Variants in RNF112 observed in about 807,000 individuals in gnomAD.
RNF112 encodes the protein ring finger protein 112.
In RNF112, 34 loss-of-function variants were observed where a neutral mutation model predicts 64.7. That is an observed-to-expected ratio of 0.53 (90% CI 0.40 to 0.70). RNF112 has a LOEUF of 0.70. Ranked by LOEUF, RNF112 falls within the 30% of genes least tolerant of loss-of-function variation. RNF112 has a pLI of 0.00. For missense variants in RNF112, 734 were observed against 850.0 expected (o/e 0.86, Z 1.70); for synonymous variants, 345 against 344.5 (o/e 1.00, Z -0.02).
chr17:19,413,955 C>G lies in RNF112; in HGVS notation c.826-140C>G, dbSNP rs1913771689. 4 of 705,796 alleles carry G rather than the reference C, an allele frequency of 5.7e-6. No individual in the cohort carries two copies. Among genetic ancestry groups the G allele is most frequent in the Middle Eastern group, 2.5e-4 (1 of 4,038 alleles). 43.7% of individuals were successfully genotyped at this position (705,796 alleles called of 1,614,324 possible). On this transcript the variant is annotated intron_variant, in intron 6 of 13. Coordinates refer to ENST00000461366, the MANE Select transcript of RNF112 (RefSeq NM_007148.5). The surrounding 1 kb of genome is among the most constrained non-coding windows in gnomAD (Gnocchi z 5.9). Reference sequence around the variant, plus strand: ...CCTTGAGGCCAGCCCAGCCCTGCAGCCTTCGAGGCCCCCATACTGGCCTCT... The same window carrying G: ...CCTTGAGGCCAGCCCAGCCCTGCAGGCTTCGAGGCCCCCATACTGGCCTCT...
At position 19,411,362 on chromosome 17, in the gene RNF112, G is replaced by A. The variant is rs758890427; in HGVS notation, c.-47G>A. ...ATCCTTACCTCTGGTTGAAGGTCTC[G>A]GGGCCTCCCCCTCTGCATCCGGACC... On this transcript the variant is annotated 5_prime_UTR_variant, in exon 1 of 14. Transcript: ENST00000461366. The A allele has an allele frequency of 2.0e-4, 310 of 1,587,510 alleles. 2 individuals carry two copies. Among genetic ancestry groups the A allele is most frequent in the Non-Finnish European group, 7.6e-5 (89 of 1,166,358 alleles).
In RNF112 at chr17:19,411,604, C is replaced by CTTT. The variant is rs33912708; in HGVS notation, c.55-10_55-8dup. On this transcript the variant is annotated intron_variant, in intron 1 of 13. Transcript: ENST00000461366. ...TAGAAGTCTGGATTATGTTCTAAAT[C>CTTT]TTTTTTTTTTTTTTTTTTCTCCAAG... The CTTT allele has an allele frequency of 3.2e-5, 45 of 1,414,174 alleles. 1 individual carries two copies. Among genetic ancestry groups the CTTT allele is most frequent in the South Asian group, 1.0e-4 (8 of 77,304 alleles). The allele number at this position is 1,414,174 out of a possible 1,614,324, so 87.6% of individuals were successfully genotyped here. A position where few individuals can be genotyped will look rare whatever the true frequency, so the allele number is the denominator to read the frequency against.
chr17:19,412,635 T>G lies in RNF112; in HGVS notation c.233T>G (p.Ile78Arg). 1 of 1,613,552 alleles carries G rather than the reference T, an allele frequency of 6.2e-7. No individual in the cohort carries two copies. The highest frequency in any genetic ancestry group is 8.5e-7 in the Non-Finnish European group (1 of 1,179,804). Residue 78 changes from isoleucine (I) to arginine (R), a missense_variant, in exon 3 of 14, where the codon ATA (isoleucine) becomes AGA (arginine). Ile to Arg is a moderately conservative substitution (Grantham distance 97). Transcript: ENST00000461366. The surrounding 1 kb of genome is among the most constrained non-coding windows in gnomAD (Gnocchi z 5.1). ...CTGGACTGTGGCCACGACTTCTGCATACGGTGCTTCAGCACACACCGTCTC... is the reference window on the plus strand; with the variant it reads ...CTGGACTGTGGCCACGACTTCTGCAGACGGTGCTTCAGCACACACCGTCTC... Reference protein sequence around the residue: ...ISLDCGHDFCIRCFSTHRLPG... With the variant: ...ISLDCGHDFCRRCFSTHRLPG...
In RNF112 at chr17:19,415,711, G is replaced by A; in HGVS notation, c.1432G>A (p.Ala478Thr). 6.2e-7 allele frequency: 1 copy of A among 1,607,586 alleles called. No homozygotes were observed. Among genetic ancestry groups the A allele is most frequent in the Non-Finnish European group, 8.5e-7 (1 of 1,176,428 alleles). ...FEEYVRQQDV[A>T]TKRIFSALRV... ...TTTCCCCTCCCTGTCACAGGACGTA[G>A]CCACCAAGCGCATATTCTCTGCGCT... The change falls in exon 14 of 14, where the codon GCC (alanine) becomes ACC (threonine). Residue 478 changes from alanine (A) to threonine (T), a missense_variant. Physicochemically the swap from Ala to Thr is moderately conservative, Grantham distance 58. Coordinates refer to ENST00000461366, the MANE Select transcript of RNF112 (RefSeq NM_007148.5). This position sits in a 1 kb window ranked among gnomAD's most constrained non-coding sequence, Gnocchi z 7.8.
At position 19,415,590 on chromosome 17, in the gene RNF112, C is replaced by G. The variant is rs908585795; in HGVS notation, c.1423C>G (p.Gln475Glu). ...GGAGTTCGAGGAGTATGTGAGGCAG[C>G]AGGTGAGCCCCGGGGCTGCACGGGA... ...KREFEEYVRQ[Q>E]DVATKRIFSA... The change falls in exon 13 of 14, where the codon CAG becomes GAG. Residue 475 changes from glutamine to glutamate, a missense_variant and splice_region_variant. Physicochemically the swap from Gln to Glu is conservative, Grantham distance 29. Coordinates refer to ENST00000461366, the MANE Select transcript of RNF112 (RefSeq NM_007148.5). The surrounding 1 kb of genome is among the most constrained non-coding windows in gnomAD (Gnocchi z 7.8). The G allele has an allele frequency of 6.2e-7, 1 of 1,612,022 alleles. No homozygotes were observed. Among genetic ancestry groups the G allele is most frequent in the Non-Finnish European group, 8.5e-7 (1 of 1,179,182 alleles).
At chr17:19,411,703 T>G (rs1598133340) in intron 2 of RNF112, 33 bp downstream of exon 2, 1 of 1,558,996 alleles carries the variant, frequency 6.4e-7, no homozygotes, top group Non-Finnish European at 8.7e-7. Context: ...CTGGGATGGG[T>G]GCAGTGAGGC....
rs768883399 is a variant in RNF112, at chr17:19,412,562, C to T, written c.160C>T (p.Leu54Phe). ...LGPQPMAPRELPTCSICLERL... is the reference protein window; with the variant it reads ...LGPQPMAPREFPTCSICLERL... ...GCCCCAGCCCATGGCGCCCCGGGAG[C>T]TCCCTACCTGCTCCATCTGCCTGGA... is the stretch of plus-strand genomic sequence containing the variant. The change falls in exon 3 of 14, where the codon CTC (leucine) becomes TTC (phenylalanine). Residue 54 changes from leucine (L) to phenylalanine (F), a missense_variant. Transcript: ENST00000461366. This position sits in a 1 kb window ranked among gnomAD's most constrained non-coding sequence, Gnocchi z 5.1. 5 of 1,613,542 alleles carry T rather than the reference C, an allele frequency of 3.1e-6. No individual in the cohort carries two copies. The highest frequency in any genetic ancestry group is 1.7e-6 in the Non-Finnish European group (2 of 1,179,802).
In RNF112 at chr17:19,413,246, G is replaced by C. The variant is rs370055891; in HGVS notation, c.589-34G>C. ...TTCCGGTCTGTGGGGACAAGGAACC[G>C]ACCAACTGATGCTCTCCCTTCTCTC... is the stretch of plus-strand genomic sequence containing the variant. On this transcript the variant is annotated intron_variant, in intron 4 of 13. Transcript: ENST00000461366. This position sits in a 1 kb window ranked among gnomAD's most constrained non-coding sequence, Gnocchi z 5.9. The C allele has an allele frequency of 1.3e-4, 207 of 1,596,412 alleles. 1 individual carries two copies. The South Asian group carries it at 2.2e-3, about 17-fold the overall frequency.
At position 19,415,383 on chromosome 17, in the gene RNF112, G is replaced by A. The variant is rs756351929; in HGVS notation, c.1350+44G>A. The A allele has an allele frequency of 1.3e-6, 2 of 1,560,894 alleles. No homozygotes were observed. The highest frequency in any genetic ancestry group is 1.7e-6 in the Non-Finnish European group (2 of 1,152,928). ...CCAGCATTCTGGCAGGGAGACAGGG[G>A]AGGCAGGGAGGTGGGGGCTGTGCCG... is the stretch of plus-strand genomic sequence containing the variant. On this transcript the variant is annotated intron_variant, in intron 12 of 13. Coordinates refer to ENST00000461366, the MANE Select transcript of RNF112 (RefSeq NM_007148.5). This position sits in a 1 kb window ranked among gnomAD's most constrained non-coding sequence, Gnocchi z 7.8.
Position 19,415,327 on chromosome 17 carries a change from C to T in RNF112, c.1338C>T (p.Thr446=), listed in dbSNP as rs1324077351. 2 of 1,608,150 alleles carry T rather than the reference C, an allele frequency of 1.2e-6. No homozygotes were observed. The highest frequency in any genetic ancestry group is 4.5e-5 in the East Asian group (2 of 44,782). The change falls in exon 12 of 14, where the codon ACC becomes ACT. Residue 446 remains threonine (T), a synonymous_variant. Transcript: ENST00000461366. The surrounding 1 kb of genome is among the most constrained non-coding windows in gnomAD (Gnocchi z 7.8). The stretch of plus-strand genomic sequence containing the variant: ...TGGGGAGGACAGGGCCCGGTTTCAC[C>T]TCTCCGGATGAGGTATGAGCGCTGG... The part of the protein sequence containing the change: ...GWMGRTGPGF[T]SPDEMAAQLH...
chr17:19,413,468 GT>G lies in RNF112; in HGVS notation c.720+58del. 6.4e-7 allele frequency: 1 copy of G among 1,572,514 alleles called. No homozygotes were observed. ...GATGGGAAGGGGAATCAAGAAGGGC[GT>G]CTCTGGGGTGAGGATAGAAGATGGG... On this transcript the variant is annotated intron_variant, in intron 5 of 13. Coordinates refer to ENST00000461366, the MANE Select transcript of RNF112 (RefSeq NM_007148.5). The surrounding 1 kb of genome is among the most constrained non-coding windows in gnomAD (Gnocchi z 5.9).
chr17:19,413,319 T>C lies in RNF112; in HGVS notation c.628T>C (p.Ser210Pro). 1 of 1,612,762 alleles carries C rather than the reference T, an allele frequency of 6.2e-7. No homozygotes were observed. The highest frequency in any genetic ancestry group is 8.5e-7 in the Non-Finnish European group (1 of 1,179,242). ...CGGCCGGCCAAGAGGAGGAGAGGCA[T>C]CCCTGCAGGGCTGCAGGTGGGGCGC... ...EGGRPRGGEA[S>P]LQGCRWGANG... Residue 210 changes from serine to proline, a missense_variant, in exon 5 of 14, where the codon TCC becomes CCC. Physicochemically the swap from Ser to Pro is moderately conservative, Grantham distance 74. Coordinates refer to ENST00000461366, the MANE Select transcript of RNF112 (RefSeq NM_007148.5). The surrounding 1 kb of genome is among the most constrained non-coding windows in gnomAD (Gnocchi z 5.9).
rs1913882864 is a variant in RNF112 at position 19,416,049 on chromosome 17, C to T, written c.1770C>T (p.Ala590=). The change falls in exon 14 of 14, where the codon GCC becomes GCT. Residue 590 remains alanine, a synonymous_variant. Transcript: ENST00000461366. ...GMVAAGAAVG[A]TGAAVVGGGV... ...TGGCTGCTGGAGCTGCCGTGGGGGC[C>T]ACAGGGGCCGCTGTGGTTGGGGGTG... 3.2e-6 allele frequency: 5 copies of T among 1,556,278 alleles called. No homozygotes were observed. Among genetic ancestry groups the T allele is most frequent in the Non-Finnish European group, 4.3e-6 (5 of 1,152,284 alleles).
chr17:19,414,089 T>G lies in RNF112; in HGVS notation c.826-6T>G. On this transcript the variant is annotated splice_region_variant and splice_polypyrimidine_tract_variant and intron_variant, in intron 6 of 13. Transcript: ENST00000461366. ...CTCTCATACATGTTGTTCTCTCTGATTCCAGATCCTCAGCACCTCCCAGGA... is the reference window on the plus strand; with the variant it reads ...CTCTCATACATGTTGTTCTCTCTGAGTCCAGATCCTCAGCACCTCCCAGGA... 6 of 1,600,320 alleles carry G rather than the reference T, an allele frequency of 3.7e-6. No homozygotes were observed. Among genetic ancestry groups the G allele is most frequent in the South Asian group, 1.1e-5 (1 of 90,812 alleles).
At chr17:19,411,808 G>A (rs1913670351) in intron 2 of RNF112, 138 bp downstream of exon 2, 2 of 898,146 alleles carry the variant, frequency 2.2e-6, no homozygotes, top group Non-Finnish European at 3.5e-6. Flanking sequence ...GCCAGGCTGT[G>A]GAGGGAGGGA....
Position 19,413,054 on chromosome 17 carries a change from C to T in RNF112, c.498C>T (p.Asp166=), listed in dbSNP as rs1434419130. 1.2e-6 allele frequency: 2 copies of T among 1,613,210 alleles called. No individual in the cohort carries two copies. The highest frequency in any genetic ancestry group is 1.1e-5 in the South Asian group (1 of 90,952). ...GCCTGAAGCACCCTCTGGCCAGGGA[C>T]ACCCCAGTCTGCCTCCTCGCTGTCC... ...NRCLKHPLAR[D]TPVCLLAVLG... is the part of the protein sequence containing the mutation. The change falls in exon 4 of 14, where the codon GAC becomes GAT. Residue 166 remains aspartate (D), a synonymous_variant. Coordinates refer to ENST00000461366, the MANE Select transcript of RNF112 (RefSeq NM_007148.5). This position sits in a 1 kb window ranked among gnomAD's most constrained non-coding sequence, Gnocchi z 5.9.
In RNF112 at chr17:19,411,296, T is replaced by C; in HGVS notation, c.-113T>C. 1.0e-6 allele frequency: 1 copy of C among 958,194 alleles called. No homozygotes were observed. Among genetic ancestry groups the C allele is most frequent in the South Asian group, 1.5e-5 (1 of 64,820 alleles). The allele number at this position is 958,194 out of a possible 1,614,324, so 59.4% of individuals were successfully genotyped here. A position where few individuals can be genotyped will look rare whatever the true frequency, so the allele number is the denominator to read the frequency against. Reference sequence around the variant, plus strand: ...GGGATACCATCCCCCGACCTCACCTTCTACCTACCGCAGCCTGCTAGCCTT... The same window carrying C: ...GGGATACCATCCCCCGACCTCACCTCCTACCTACCGCAGCCTGCTAGCCTT... On this transcript the variant is annotated 5_prime_UTR_variant, in exon 1 of 14. Transcript: ENST00000461366.
At chr17:19,411,804 C>T in intron 2 of RNF112, 134 bp downstream of exon 2, 1 of 941,100 alleles carries the variant, frequency 1.1e-6, no homozygotes, top group Non-Finnish European at 1.6e-6. Flanking sequence ...ATCCGCCAGG[C>T]TGTGGAGGGA....
In RNF112 at chr17:19,416,021, T is replaced by A; in HGVS notation, c.1742T>A (p.Met581Lys). 6.5e-7 allele frequency: 1 copy of A among 1,546,702 alleles called. No homozygotes were observed. The highest frequency in any genetic ancestry group is 8.7e-7 in the Non-Finnish European group (1 of 1,147,632). ...GCTGCACTGGCTGCAGAGGCTGGGA[T>A]GGTGGCTGCTGGAGCTGCCGTGGGG... ...AAAALAAEAG[M>K]VAAGAAVGAT... is the part of the protein sequence containing the mutation. The change falls in exon 14 of 14, where the codon ATG becomes AAG. Residue 581 changes from methionine (M) to lysine (K), a missense_variant. Coordinates refer to ENST00000461366, the MANE Select transcript of RNF112 (RefSeq NM_007148.5).
Sources: gnomAD v4.1 joint callset for allele counts on GRCh38, gnomAD v4.1.1 for gene constraint, Gnocchi (gnomAD v3.1) non-coding constraint, MANE v1.5 for transcripts, NCBI Gene and HGNC (gene_info 2026-07-23, HGNC 2026-07-21) for gene names.